The following LDLRAD3 variants were observed in gnomAD, a reference collection of about 807,000 sequenced individuals.
The protein encoded by LDLRAD3 is low density lipoprotein receptor class A domain containing 3, also known as low-density lipoprotein receptor class A domain-containing protein 3.
In LDLRAD3, 20 loss-of-function variants were observed where a neutral mutation model predicts 29.4. That is an observed-to-expected ratio of 0.68 (90% CI 0.48 to 0.99). The LOEUF is 0.99. LDLRAD3 is among the 50% of genes least tolerant of loss of function. LDLRAD3 has a pLI of 0.00. For missense variants in LDLRAD3, 420 were observed against 454.3 expected (o/e 0.92, Z 0.69); for synonymous variants, 157 against 192.7 (o/e 0.81, Z 1.53).
intron 1 of LDLRAD3, among the ~76,000 whole-genome samples, chr11:35,995,139 C>G (rs1265993124): frequency 6.6e-6 from 1 of 152,132 alleles, no homozygotes; most frequent in Non-Finnish European, 1.5e-5. Context: ...TTTACTTGGC[C>G]CATATCCATC....
chr11:36,147,554 C>A (rs1403628195), intron 4 of LDLRAD3, among the ~76,000 whole-genome samples: 1 of 152,236 alleles, frequency 6.6e-6, no homozygotes, highest in Non-Finnish European at 1.5e-5. Flanking sequence ...TATTCACAGG[C>A]ACCAGGGGTT....
intron 4 of LDLRAD3, among the ~76,000 whole-genome samples, chr11:36,205,422 A>T (rs1300451279): frequency 6.6e-6 from 1 of 152,166 alleles, no homozygotes; most frequent in African/African-American, 2.4e-5. Context: ...GGTGTCCCTG[A>T]TGAAGGGCTG....
chr11:36,232,024 T>A lies in LDLRAD3; in HGVS notation c.*2627T>A, dbSNP rs992693333. On this transcript the variant is annotated 3_prime_UTR_variant, in exon 6 of 6. Transcript: ENST00000315571. ...CTAAGTGGTTAATAGTGTGTGACGC[T>A]CAAAGTTAATGTAAACTGGAAAGGT... 6.6e-6 allele frequency: 1 copy of A among 152,244 alleles called. No individual in the cohort carries two copies. Among genetic ancestry groups the A allele is most frequent in the Non-Finnish European group, 1.5e-5 (1 of 68,044 alleles). The allele number at this position is 152,244 out of a possible 1,614,324, so 9.4% of individuals were successfully genotyped here.
chr11:36,162,487 C>T (rs1025019786), intron 4 of LDLRAD3, among the ~76,000 whole-genome samples: 1 of 152,152 alleles, frequency 6.6e-6, no homozygotes, highest in Non-Finnish European at 1.5e-5. Flanking sequence ...AAGCTAGAAC[C>T]CAGACAGAAT....
intron 2 of LDLRAD3, among the ~76,000 whole-genome samples, chr11:36,074,671 A>G (rs1268135642): frequency 6.6e-6 from 1 of 152,176 alleles, no homozygotes; most frequent in East Asian, 1.9e-4. Flanking sequence ...GGCTTGAGGA[A>G]ACACTCTCAG....
At chr11:36,219,419 G>A (rs1855398353) in intron 4 of LDLRAD3, among the ~76,000 whole-genome samples, 1 of 152,194 alleles carries the variant, frequency 6.6e-6, no homozygotes, top group South Asian at 2.1e-4. Flanking sequence ...CTATAAAGCT[G>A]TAGTTAACAA....
At chr11:36,006,069 G>A (rs906287280) in intron 1 of LDLRAD3, among the ~76,000 whole-genome samples, 7 of 152,018 alleles carry the variant, frequency 4.6e-5, no homozygotes, top group Non-Finnish European at 7.4e-5. Context: ...CAAAAACTGC[G>A]CCCTTGCCCA....
At chr11:36,121,121 C>T (rs1007464766) in intron 4 of LDLRAD3, among the ~76,000 whole-genome samples, 5 of 152,136 alleles carry the variant, frequency 3.3e-5, no homozygotes, top group African/African-American at 1.2e-4. Flanking sequence ...ATCATAGACA[C>T]TCAATAACCA....
chr11:36,150,715 A>G (rs1854266591), intron 4 of LDLRAD3, among the ~76,000 whole-genome samples: 1 of 152,174 alleles, frequency 6.6e-6, no homozygotes, highest in African/African-American at 2.4e-5. Flanking sequence ...AGATTGAGCC[A>G]CTGCACTCCA....
intron 1 of LDLRAD3, among the ~76,000 whole-genome samples, chr11:35,992,090 G>C (rs190355728): frequency 6.6e-5 from 10 of 152,074 alleles, no homozygotes; most frequent in Non-Finnish European, 1.0e-4. Context: ...AAGTGCCCCC[G>C]TCTCAATCTT....
At chr11:36,043,826 A>G (rs1852413046) in intron 2 of LDLRAD3, among the ~76,000 whole-genome samples, 1 of 152,202 alleles carries the variant, frequency 6.6e-6, no homozygotes, top group African/African-American at 2.4e-5. Flanking sequence ...CTCAGAAAAC[A>G]TAACTGGCAC....
At chr11:36,107,733 G>A (rs1853549172) in intron 4 of LDLRAD3, among the ~76,000 whole-genome samples, 2 of 152,204 alleles carry the variant, frequency 1.3e-5, no homozygotes, top group African/African-American at 2.4e-5. Flanking sequence ...TAGGTGTGTA[G>A]TAGGCTCCTC....
At chr11:35,961,774 A>T (rs1478308763) in intron 1 of LDLRAD3, among the ~76,000 whole-genome samples, 1 of 152,220 alleles carries the variant, frequency 6.6e-6, no homozygotes. Flanking sequence ...TTGTGTGTAC[A>T]GAGTAGGTGC....
At chr11:36,109,507 C>T (rs1264458997) in intron 4 of LDLRAD3, among the ~76,000 whole-genome samples, 1 of 152,100 alleles carries the variant, frequency 6.6e-6, no homozygotes, top group Non-Finnish European at 1.5e-5. Context: ...AGAGAATCTG[C>T]CGTATTATTT....
At chr11:35,958,714 C>A (rs1851237703) in intron 1 of LDLRAD3, among the ~76,000 whole-genome samples, 1 of 152,170 alleles carries the variant, frequency 6.6e-6, no homozygotes, top group African/African-American at 2.4e-5. Flanking sequence ...CATCAATTAA[C>A]TACCCCCTAC....
At chr11:36,064,233 A>G (rs1852753220) in intron 2 of LDLRAD3, among the ~76,000 whole-genome samples, 1 of 152,216 alleles carries the variant, frequency 6.6e-6, no homozygotes, top group Admixed American at 6.5e-5. Context: ...GTATACAAAT[A>G]CAATTGATTT....
In LDLRAD3 at chr11:36,083,769, CACACACACACA is replaced by C. The variant is rs1565210933; in HGVS notation, c.319+1992_319+2002del. The stretch of plus-strand genomic sequence containing the variant: ...ACACACACACACACACACACACACA[CACACACACACA>C]CCCCAGAATAATCCAATGGCAATAA... On this transcript the variant is annotated intron_variant, in intron 3 of 5. Transcript: ENST00000315571. Among the ~76,000 whole-genome samples the C allele has an allele frequency of 4.9e-4, 65 of 131,948 alleles. 1 individual carries two copies. The highest frequency in any genetic ancestry group is 1.5e-3 in the South Asian group (7 of 4,528). The allele number at this position is 131,948 out of a possible 152,430, so 86.6% of individuals were successfully genotyped here.
chr11:36,035,557 C>G (rs1367027832), intron 1 of LDLRAD3, among the ~76,000 whole-genome samples: 3 of 152,160 alleles, frequency 2.0e-5, no homozygotes, highest in Admixed American at 1.3e-4. Context: ...TTCAATGTGG[C>G]CTTTTCTACC....
chr11:36,227,286 G>A lies in LDLRAD3; in HGVS notation c.656G>A (p.Arg219His), dbSNP rs368201136. 17 of 1,613,974 alleles carry A rather than the reference G, an allele frequency of 1.1e-5. No individual in the cohort carries two copies. The highest frequency in any genetic ancestry group is 3.3e-5 in the South Asian group (3 of 91,034). ...HRLQHPVLLS[R>H]LVVLDHPHHC... Reference sequence around the variant, plus strand: ...CTGCAGCACCCTGTGCTGCTGTCCCGCCTGGTGGTCCTGGACCACCCCCAC... The same window carrying A: ...CTGCAGCACCCTGTGCTGCTGTCCCACCTGGTGGTCCTGGACCACCCCCAC... The change falls in exon 5 of 6, where the codon CGC becomes CAC. Residue 219 changes from arginine (R) to histidine (H), a missense_variant. Physicochemically the swap from Arg to His is conservative, Grantham distance 29. This residue lies in a region of LDLRAD3 where 56 missense variants were observed against 92.2 expected (regional missense o/e 0.61). Coordinates refer to ENST00000315571, the MANE Select transcript of LDLRAD3 (RefSeq NM_174902.4).
Sources: gnomAD v4.1 joint callset for allele counts (sites outside exome capture counted in the v4.1 genomes callset) on GRCh38, gnomAD v4.1.1 for gene constraint, gnomAD v4.1.1 regional missense constraint, MANE v1.5 for transcripts, NCBI Gene and HGNC (gene_info 2026-07-23, HGNC 2026-07-21) for gene names.